DOCK1: variants seen among roughly 807,000 people sequenced by gnomAD.
DOCK1 encodes dedicator of cytokinesis protein 1.
In DOCK1, 138 loss-of-function variants were observed where a neutral mutation model predicts 262.7. The observed-to-expected ratio is 0.53, with a 90% CI of 0.46 to 0.61. DOCK1 has a LOEUF of 0.61. Among genes scored for constraint, DOCK1 ranks in the 20% least tolerant of loss-of-function variants. DOCK1 has a pLI of 0.00. For missense variants in DOCK1, 1,908 were observed against 2,370.7 expected, an observed-to-expected ratio of 0.80 and a Z score of 4.05; for synonymous variants, 866 against 867.4, an observed-to-expected ratio of 1.00 and a Z score of 0.03.
At chr10:127,189,015 C>G (rs181379128) in intron 27 of DOCK1, among the ~76,000 whole-genome samples, 2 of 152,084 alleles carry the variant, frequency 1.3e-5, no homozygotes, top group African/African-American at 4.8e-5. Flanking sequence ...CTCAGGTGGT[C>G]GGCTCCTAGG....
intron 27 of DOCK1, among the ~76,000 whole-genome samples, chr10:127,178,456 C>T (rs1056003330): frequency 1.3e-5 from 2 of 152,202 alleles, no homozygotes; most frequent in African/African-American, 2.4e-5. Flanking sequence ...GAAGTAGCAC[C>T]GCTCCCTCCC....
At chr10:127,174,389 C>G (rs556682653) in intron 27 of DOCK1, among the ~76,000 whole-genome samples, 16 of 152,304 alleles carry the variant, frequency 1.1e-4, no homozygotes, top group Admixed American at 1.0e-3. Context: ...ATCAGCTGAG[C>G]ACATGCCGGC....
chr10:127,342,095 T>TTGCTGCTGC (rs955397873), intron 30 of DOCK1, among the ~76,000 whole-genome samples: 2 of 114,726 alleles, frequency 1.7e-5, no homozygotes, highest in Admixed American at 1.6e-4. Flanking sequence ...GCTGTTGTTG[T>TTGCTGCTGC]TGCTGCTGCT....
chr10:127,062,068 C>T (rs572451927), intron 23 of DOCK1, among the ~76,000 whole-genome samples: 1 of 151,122 alleles, frequency 6.6e-6, no homozygotes, highest in East Asian at 2.0e-4. Flanking sequence ...TCCCGAATTG[C>T]TGGGACTACA....
chr10:127,001,070 G>A (rs185408481), intron 10 of DOCK1: 9 of 152,374 alleles, frequency 5.9e-5, no homozygotes, highest in African/African-American at 2.2e-4. Context: ...ATTTTTCATA[G>A]TTTTGGGAAG....
chr10:127,280,331 G>A (rs1358555049), intron 29 of DOCK1, among the ~76,000 whole-genome samples: 1 of 152,116 alleles, frequency 6.6e-6, no homozygotes, highest in Non-Finnish European at 1.5e-5. Flanking sequence ...ACCGCGCCCG[G>A]CCTTCATATA....
intron 48 of DOCK1, 124 bp from the exon 49 acceptor site, chr10:127,438,903 G>T (rs1591063596): frequency 1.0e-6 from 1 of 976,426 alleles, no homozygotes; most frequent in East Asian, 2.7e-5. Flanking sequence ...GTCACCCTTG[G>T]CCTCCCTTTT....
chr10:127,397,525 C>T (rs1334989860), intron 38 of DOCK1, among the ~76,000 whole-genome samples: 3 of 148,998 alleles, frequency 2.0e-5, no homozygotes, highest in South Asian at 2.2e-4. Flanking sequence ...ATGAGTTACA[C>T]GGGCGGTGTC....
intron 28 of DOCK1, among the ~76,000 whole-genome samples, chr10:127,253,458 T>C (rs1310260954): frequency 6.6e-6 from 1 of 152,198 alleles, no homozygotes; most frequent in East Asian, 1.9e-4. Flanking sequence ...TACCTGGAGT[T>C]AGCATCAGAT....
At chr10:127,232,957 A>G (rs901444116) in intron 27 of DOCK1, among the ~76,000 whole-genome samples, 1 of 152,208 alleles carries the variant, frequency 6.6e-6, no homozygotes, top group African/African-American at 2.4e-5. Context: ...TTGACTAAAC[A>G]TCTGTTGCAA....
intron 23 of DOCK1, among the ~76,000 whole-genome samples, chr10:127,104,971 CT>C (rs2048449558): frequency 6.6e-6 from 1 of 152,152 alleles, no homozygotes; most frequent in Admixed American, 6.5e-5. Context: ...CAAATCTCAT[CT>C]TGAATTGTAG....
chr10:127,426,103 A>T, intron 47 of DOCK1, 92 bp downstream of exon 47: 1 of 1,572,980 alleles, frequency 6.4e-7, no homozygotes, highest in Non-Finnish European at 8.6e-7. Flanking sequence ...AGAGGAACTC[A>T]CATGTACACA....
intron 1 of DOCK1, among the ~76,000 whole-genome samples, chr10:126,948,789 C>T (rs1455491580): frequency 6.6e-6 from 1 of 152,032 alleles, no homozygotes; most frequent in African/African-American, 2.4e-5. Flanking sequence ...CTGCTCTGAT[C>T]CTTTGGGCTG....
chr10:126,905,739 G>T (rs1379629403), intron 1 of DOCK1, among the ~76,000 whole-genome samples, 176 bp downstream of exon 1: 1 of 147,274 alleles, frequency 6.8e-6, no homozygotes, highest in Non-Finnish European at 1.5e-5. Flanking sequence ...GCCGCCCCGC[G>T]CCCCCGGCGG....
intron 25 of DOCK1, among the ~76,000 whole-genome samples, chr10:127,123,044 T>C (rs1234031973): frequency 2.6e-5 from 4 of 152,182 alleles, no homozygotes; most frequent in Non-Finnish European, 2.9e-5. Context: ...CTGAGCCCAG[T>C]GCTATGTTCC....
intron 8 of DOCK1, chr10:126,998,486 T>C (rs1329753218): frequency 2.2e-6 from 1 of 458,698 alleles, no homozygotes; most frequent in Non-Finnish European, 3.9e-6. Flanking sequence ...GTTATAGCAG[T>C]TGCAGGTACA....
At chr10:127,240,621 G>A (rs950771884) in intron 27 of DOCK1, among the ~76,000 whole-genome samples, 6 of 152,126 alleles carry the variant, frequency 3.9e-5, no homozygotes, top group Non-Finnish European at 7.4e-5. Flanking sequence ...GACATTCAAT[G>A]TATGCGGCAC....
At chr10:127,024,894 CAG>C (rs2042719987) in intron 15 of DOCK1, 111 bp downstream of exon 15, 3 of 851,932 alleles carry the variant, frequency 3.5e-6, no homozygotes, top group African/African-American at 1.7e-5. Flanking sequence ...TCCAGGCAGG[CAG>C]AGTGTCTCCC....
intron 27 of DOCK1, among the ~76,000 whole-genome samples, chr10:127,242,798 T>C (rs1290317548): frequency 6.6e-6 from 1 of 152,200 alleles, no homozygotes; most frequent in Non-Finnish European, 1.5e-5. Context: ...GTCCTTGCCT[T>C]AGTGAAAACA....
Sources: gnomAD v4.1 joint callset for allele counts (sites outside exome capture counted in the v4.1 genomes callset) on GRCh38, gnomAD v4.1.1 for gene constraint, MANE v1.5 for transcripts, NCBI Gene and HGNC (gene_info 2026-07-23, HGNC 2026-07-21) for gene names.